Variants in TTC17 observed in about 807,000 individuals in gnomAD.
The protein encoded by TTC17 is tetratricopeptide repeat domain 17, also known as tetratricopeptide repeat protein 17.
A neutral mutation model predicts 143.8 loss-of-function variants in TTC17; 58 were observed. The observed-to-expected ratio is 0.40, with a 90% CI of 0.33 to 0.50. TTC17 has a LOEUF of 0.50. TTC17 is among the 20% of genes least tolerant of loss of function. TTC17 has a pLI of 0.49. For synonymous variants in TTC17, 501 were observed against 497.8 expected (o/e 1.01, Z -0.09); for missense variants, 1,273 against 1,392.5 (o/e 0.91, Z 1.37).
chr11:43,471,615 C>T (rs768433925), intron 21 of TTC17, among the ~76,000 whole-genome samples: 5 of 152,328 alleles, frequency 3.3e-5, no homozygotes, highest in East Asian at 1.9e-4. Context: ...TCCCTTCCCA[C>T]GGGGGAAGAT....
intron 23 of TTC17, 59 bp downstream of exon 23, chr11:43,492,222 T>C: frequency 6.4e-7 from 1 of 1,556,234 alleles, no homozygotes; most frequent in African/African-American, 1.4e-5. Flanking sequence ...ACATCTTTGA[T>C]TTCAAAACCT....
At chr11:43,415,211 C>G (rs183376160) in intron 16 of TTC17, among the ~76,000 whole-genome samples, 1 of 152,084 alleles carries the variant, frequency 6.6e-6, no homozygotes, top group Admixed American at 6.6e-5. Flanking sequence ...TGATTCAGAC[C>G]TTTACTCTAC....
chr11:43,380,118 C>T (rs1334123820), intron 2 of TTC17, among the ~76,000 whole-genome samples: 1 of 152,162 alleles, frequency 6.6e-6, no homozygotes, highest in Non-Finnish European at 1.5e-5. Context: ...ATCATAAGAT[C>T]ATCCTCATTT....
In TTC17 at chr11:43,400,027, A is replaced by G; in HGVS notation, c.1198A>G (p.Met400Val). The G allele has an allele frequency of 1.2e-6, 2 of 1,613,344 alleles. No homozygotes were observed. Among genetic ancestry groups the G allele is most frequent in the South Asian group, 2.2e-5 (2 of 90,868 alleles). ...AAGAAATATCATTCATGAGACTCAG[A>G]TGGCAAAAGAGGCACAATTAGGTAA... ...ILRNIIHETQ[M>V]AKEAQLGNHQ... Residue 400 changes from methionine to valine, a missense_variant, in exon 9 of 24, where the codon ATG (methionine) becomes GTG (valine). This residue lies in a region of TTC17 where 325 missense variants were observed against 444.2 expected (regional missense o/e 0.73). Transcript: ENST00000039989.
At chr11:43,441,803 T>C (rs1456478412) in intron 16 of TTC17, among the ~76,000 whole-genome samples, 1 of 152,078 alleles carries the variant, frequency 6.6e-6, no homozygotes, top group Admixed American at 6.6e-5. Flanking sequence ...TGAAAGCCCC[T>C]CTCTCTCAGA....
At chr11:43,473,766 C>T (rs1183626705) in intron 21 of TTC17, among the ~76,000 whole-genome samples, 1 of 151,934 alleles carries the variant, frequency 6.6e-6, no homozygotes, top group East Asian at 1.9e-4. Context: ...CACCTGTAAT[C>T]CCAGCTACTT....
intron 21 of TTC17, among the ~76,000 whole-genome samples, chr11:43,464,614 GGAA>G (rs1285620660): frequency 2.6e-5 from 4 of 151,992 alleles, no homozygotes; most frequent in Admixed American, 2.6e-4. Flanking sequence ...TTACAGGGAA[GGAA>G]GAAGGTCAAC....
intron 21 of TTC17, among the ~76,000 whole-genome samples, chr11:43,465,551 G>A (rs1477652279): frequency 6.6e-6 from 1 of 152,162 alleles, no homozygotes; most frequent in East Asian, 1.9e-4. Context: ...TTCTAGAGCT[G>A]AGAATTGCAA....
At chr11:43,490,078 G>A (rs1948446942) in intron 21 of TTC17, 161 bp from the exon 22 acceptor site, 8 of 915,444 alleles carry the variant, frequency 8.7e-6, no homozygotes, top group Non-Finnish European at 1.3e-5. Flanking sequence ...ATTGTTCTAA[G>A]GATTAATGAA....
chr11:43,484,385 CAATA>C (rs1440369004), intron 21 of TTC17, among the ~76,000 whole-genome samples: 1 of 152,062 alleles, frequency 6.6e-6, no homozygotes, highest in African/African-American at 2.4e-5. Context: ...ATAAAGTTCT[CAATA>C]AATCTTACAA....
chr11:43,408,276 A>C (rs191280439), intron 15 of TTC17, among the ~76,000 whole-genome samples: 1 of 152,370 alleles, frequency 6.6e-6, no homozygotes, highest in East Asian at 1.9e-4. Flanking sequence ...AGGGATGTGC[A>C]TGAATGGTTG....
chr11:43,405,409 T>G lies in TTC17; in HGVS notation c.1480-105T>G. 26 of 820,112 alleles carry G rather than the reference T, an allele frequency of 3.2e-5. 1 individual carries two copies. In the South Asian group the frequency reaches 3.7e-4, roughly 12 times the overall value. 50.8% of individuals were successfully genotyped at this position (820,112 alleles called of 1,614,324 possible). ...TAGAGTCTACCATAATCTTAAGATA[T>G]TATAGTTTTGTTCAATTATTGTAGT... On this transcript the variant is annotated intron_variant, in intron 11 of 23. Transcript: ENST00000039989.
intron 3 of TTC17, 44 bp from the exon 4 acceptor site, chr11:43,391,421 T>G: frequency 8.1e-7 from 1 of 1,230,008 alleles, no homozygotes; most frequent in South Asian, 1.3e-5. Flanking sequence ...TAAAATATTG[T>G]TTATCTCACC....
At chr11:43,481,875 T>C (rs981446123) in intron 21 of TTC17, among the ~76,000 whole-genome samples, 1 of 152,156 alleles carries the variant, frequency 6.6e-6, no homozygotes, top group Non-Finnish European at 1.5e-5. Flanking sequence ...AGTGGTGCGA[T>C]CTCAGCTCAG....
Position 43,401,547 on chromosome 11 carries a change from G to A in TTC17, c.1321G>A (p.Asp441Asn). 6.2e-7 allele frequency: 1 copy of A among 1,609,838 alleles called. No homozygotes were observed. The highest frequency in any genetic ancestry group is 1.7e-4 in the Middle Eastern group (1 of 6,054). The change falls in exon 10 of 24, where the codon GAC (aspartate) becomes AAC (asparagine). Residue 441 changes from aspartate (D) to asparagine (N), a missense_variant. By Grantham distance (23) the Asp-to-Asn change is conservative (BLOSUM62 1). This residue lies in a region of TTC17 where 878 missense variants were observed against 899.8 expected (regional missense o/e 0.98). Transcript: ENST00000039989. ...YHRGDIFENV[D>N]YVQFGEDSST... ...TCGTGGAGATATCTTTGAAAATGTGGACTATGTTCAGGTCTTTTTCTTGGT... is the reference window on the plus strand; with the variant it reads ...TCGTGGAGATATCTTTGAAAATGTGAACTATGTTCAGGTCTTTTTCTTGGT...
intron 16 of TTC17, among the ~76,000 whole-genome samples, chr11:43,420,935 A>AAGAAAAC (rs1170149129): frequency 2.6e-5 from 4 of 152,202 alleles, no homozygotes; most frequent in African/African-American, 9.6e-5. Flanking sequence ...TAAAGCAACA[A>AAGAAAAC]TTTGTTTTCT....
rs116267197 is a variant in TTC17 at position 43,396,634 on chromosome 11, A to G, written c.664-75A>G. ...TGAATTTCAGAAGAGCCAGAATATT[A>G]AAGGTGCTCCTTTTGAGTATTCTAA... On this transcript the variant is annotated intron_variant, in intron 5 of 23. Transcript: ENST00000039989. 1,359 of 752,570 alleles carry G rather than the reference A, an allele frequency of 1.8e-3. 14 individuals are homozygous for G. The African/African-American group carries it at 0.021, about 12-fold the overall frequency. 46.6% of individuals were successfully genotyped at this position (752,570 alleles called of 1,614,324 possible). A position where few individuals can be genotyped will look rare whatever the true frequency, so the allele number is the denominator to read the frequency against.
At chr11:43,458,517 A>T (rs2134780353) in intron 21 of TTC17, among the ~76,000 whole-genome samples, 1 of 152,294 alleles carries the variant, frequency 6.6e-6, no homozygotes, top group Middle Eastern at 3.4e-3. Context: ...AACAGATAGA[A>T]CTTCACTTCT....
intron 21 of TTC17, among the ~76,000 whole-genome samples, chr11:43,483,713 A>G (rs1948328947): frequency 6.6e-6 from 1 of 152,232 alleles, no homozygotes; most frequent in African/African-American, 2.4e-5. Context: ...ATAATCAACA[A>G]AACATCTACT....
Sources: allele counts gnomAD v4.1 joint callset (sites outside exome capture counted in the v4.1 genomes callset), GRCh38; gene constraint gnomAD v4.1.1; regional missense constraint gnomAD v4.1.1; transcripts MANE v1.5; gene names NCBI Gene and HGNC (gene_info 2026-07-23, HGNC 2026-07-21).